Variants in GFPT1 observed in about 807,000 individuals in gnomAD.
GFPT1 encodes the protein glutamine--fructose-6-phosphate transaminase 1, also known as glutamine--fructose-6-phosphate aminotransferase [isomerizing] 1.
GFPT1 carries 40 observed loss-of-function variants against 92.0 expected under a neutral mutation model. The ratio of observed to expected loss-of-function variants is 0.43; its 90% CI spans 0.34 to 0.57. The LOEUF is 0.57. Among genes scored for constraint, GFPT1 ranks in the 20% least tolerant of loss-of-function variants. The pLI, the probability that GFPT1 is intolerant of heterozygous loss-of-function variation, is 0.02. For synonymous variants in GFPT1, 269 were observed against 280.6 expected, an observed-to-expected ratio of 0.96 and a Z score of 0.41; for missense variants, 448 against 869.1, an observed-to-expected ratio of 0.52 and a Z score of 6.09.
intron 15 of GFPT1, among the ~76,000 whole-genome samples, chr2:69,333,613 T>C (rs1670724364): frequency 6.6e-6 from 1 of 152,216 alleles, no homozygotes; most frequent in African/African-American, 2.4e-5. Flanking sequence ...ATTTTTATTT[T>C]TTTAAATCAA....
At chr2:69,329,465 A>C (rs1558728131) in intron 16 of GFPT1, 41 bp from the exon 17 acceptor site, 1 of 1,454,032 alleles carries the variant, frequency 6.9e-7, no homozygotes, top group Admixed American at 1.7e-5. Flanking sequence ...TAAACCAAAC[A>C]AATAAAATAA....
rs1558723125 is a variant in GFPT1, at chr2:69,325,663, A to T, written c.*526T>A. ...ATAAATCCTACCAATAAAATTTTTC[A>T]GTTTTAAGTTTTACAGTTTGATTTA... is the stretch of plus-strand genomic sequence containing the variant. On this transcript the variant is annotated 3_prime_UTR_variant, in exon 20 of 20. Coordinates refer to ENST00000357308, the MANE Select transcript of GFPT1 (RefSeq NM_001244710.2). 6.6e-6 allele frequency: 1 copy of T among 152,520 alleles called. No individual in the cohort carries two copies. The highest frequency in any genetic ancestry group is 1.5e-5 in the Non-Finnish European group (1 of 68,252). 9.4% of individuals were successfully genotyped at this position (152,520 alleles called of 1,614,324 possible). A position where few individuals can be genotyped will look rare whatever the true frequency, so the allele number is the denominator to read the frequency against.
rs775976340 is a variant in GFPT1, at chr2:69,326,100, G to A, written c.*89C>T. 1 of 806,058 alleles carries A rather than the reference G, an allele frequency of 1.2e-6. No individual in the cohort carries two copies. The highest frequency in any genetic ancestry group is 2.1e-6 in the Non-Finnish European group (1 of 472,838). 49.9% of individuals were successfully genotyped at this position (806,058 alleles called of 1,614,324 possible). A position where few individuals can be genotyped will look rare whatever the true frequency, so the allele number is the denominator to read the frequency against. On this transcript the variant is annotated 3_prime_UTR_variant, in exon 20 of 20. Transcript: ENST00000357308. ...AGGATTTACTAAAAAAAGGCTTCAA[G>A]GGGTGATATTTTAAATCAAGGTTTT... is the stretch of plus-strand genomic sequence containing the variant.
intron 18 of GFPT1, among the ~76,000 whole-genome samples, chr2:69,327,857 C>G (rs1025334769): frequency 1.3e-5 from 2 of 151,800 alleles, no homozygotes; most frequent in Non-Finnish European, 2.9e-5. Flanking sequence ...AATCCCAGAA[C>G]TTTGGGGGGT....
At position 69,354,310 on chromosome 2, in the gene GFPT1, T is replaced by C. The variant is rs907650025; in HGVS notation, c.688A>G (p.Arg230Gly). The C allele has an allele frequency of 3.1e-6, 5 of 1,589,842 alleles. No homozygotes were observed. Among genetic ancestry groups the C allele is most frequent in the Non-Finnish European group, 4.3e-6 (5 of 1,173,984 alleles). ...GTGAATTTTGATCCAATCTGAGTCC[T>C]AGCTAAGGATACACAACAGAAAAAA... ...DHIPILYRTA[R>G]TQIGSKFTRW... The change falls in exon 9 of 20, where the codon AGG becomes GGG. Residue 230 changes from arginine (R) to glycine (G), a missense_variant and splice_region_variant. Physicochemically the swap from Arg to Gly is moderately radical, Grantham distance 125. Transcript: ENST00000357308.
At chr2:69,375,610 G>A (rs1407321321) in intron 1 of GFPT1, among the ~76,000 whole-genome samples, 1 of 152,076 alleles carries the variant, frequency 6.6e-6, no homozygotes, top group Non-Finnish European at 1.5e-5. Context: ...AAGACTTACA[G>A]AAATCCCATA....
intron 11 of GFPT1, among the ~76,000 whole-genome samples, chr2:69,347,636 C>G (rs1671116587): frequency 6.6e-6 from 1 of 152,034 alleles, no homozygotes; most frequent in Admixed American, 6.6e-5. Flanking sequence ...CGCCACCACA[C>G]CCAGCTAATT....
rs1180135702 is a variant in GFPT1, at chr2:69,332,078, T to C, written c.1483-2280A>G. 3.9e-5 allele frequency among the ~76,000 whole-genome samples: 6 copies of C among 152,246 alleles called. No homozygotes were observed. In the East Asian group the frequency reaches 1.2e-3, roughly 29 times the overall value. Reference sequence around the variant, plus strand: ...CTGTTCCTTTTTATTTTTTTAACATTTTCCTTTTTAGCCTGTTTGAAATTA... The same window carrying C: ...CTGTTCCTTTTTATTTTTTTAACATCTTCCTTTTTAGCCTGTTTGAAATTA... On this transcript the variant is annotated intron_variant, in intron 15 of 19. Coordinates refer to ENST00000357308, the MANE Select transcript of GFPT1 (RefSeq NM_001244710.2).
At position 69,369,537 on chromosome 2, in the gene GFPT1, G is replaced by A. The variant is rs115637564; in HGVS notation, c.223+464C>T. Among the ~76,000 whole-genome samples the A allele has an allele frequency of 2.9e-3, 444 of 152,318 alleles. 6 individuals are homozygous for A. Among genetic ancestry groups the A allele is most frequent in the African/African-American group, 0.01 (425 of 41,566 alleles). On this transcript the variant is annotated intron_variant, in intron 3 of 19. Transcript: ENST00000357308. ...TCCTTGTGCCAGAGAAGAAAACTGT[G>A]AGGGAAAACATGATACTTACCAGAT...
chr2:69,344,502 T>C (rs192356807), intron 12 of GFPT1, among the ~76,000 whole-genome samples: 1 of 152,208 alleles, frequency 6.6e-6, no homozygotes, highest in African/African-American at 2.4e-5. Flanking sequence ...AATGAATACA[T>C]GGGGAGTAGT....
rs538539998 is a variant in GFPT1, at chr2:69,387,124, G to A, written c.-53C>T. 1.3e-6 allele frequency: 2 copies of A among 1,519,422 alleles called. No individual in the cohort carries two copies. Among genetic ancestry groups the A allele is most frequent in the East Asian group, 5.2e-5 (2 of 38,682 alleles). 94.1% of individuals were successfully genotyped at this position (1,519,422 alleles called of 1,614,324 possible). A position where few individuals can be genotyped will look rare whatever the true frequency, so the allele number is the denominator to read the frequency against. On this transcript the variant is annotated 5_prime_UTR_variant, in exon 1 of 20. Coordinates refer to ENST00000357308, the MANE Select transcript of GFPT1 (RefSeq NM_001244710.2). ...AGGGGCGAGTGGCTGGCGGGATCGG[G>A]GGTGCACACACGAGCTTCGGTGGGC... is the stretch of plus-strand genomic sequence containing the variant.
intron 15 of GFPT1, among the ~76,000 whole-genome samples, chr2:69,336,800 T>A (rs531620391): frequency 9.7e-4 from 147 of 151,962 alleles, no homozygotes; most frequent in Middle Eastern, 3.4e-3. Flanking sequence ...TGTCTCTAAA[T>A]AACAACCAAA....
chr2:69,330,390 A>T (rs879325592), intron 15 of GFPT1, among the ~76,000 whole-genome samples: 2 of 152,200 alleles, frequency 1.3e-5, no homozygotes, highest in African/African-American at 2.4e-5. Flanking sequence ...AGGAAGGAAA[A>T]GATGAGCAAA....
At chr2:69,346,941 ACT>A (rs1468920659) in intron 11 of GFPT1, among the ~76,000 whole-genome samples, 3 of 150,530 alleles carry the variant, frequency 2.0e-5, no homozygotes, top group African/African-American at 7.4e-5. Context: ...ACAGAGTCTC[ACT>A]CTGTCGCCCA....
At chr2:69,371,833 T>C (rs917311958) in intron 2 of GFPT1, among the ~76,000 whole-genome samples, 35 of 149,048 alleles carry the variant, frequency 2.3e-4, no homozygotes, top group Admixed American at 2.0e-3. Flanking sequence ...CAAGACTCCA[T>C]CTCAAAAAAA....
chr2:69,355,978 GCTTTCTT>G (rs1196112137), intron 7 of GFPT1, among the ~76,000 whole-genome samples: 27 of 130,378 alleles, frequency 2.1e-4, no homozygotes, highest in African/African-American at 7.3e-4. Context: ...AAATATATTT[GCTTTCTT>G]TTTTTTTTTT....
chr2:69,377,086 C>T (rs10195277), intron 1 of GFPT1, among the ~76,000 whole-genome samples: 100,444 of 151,358 alleles, frequency 0.66, 34,806 homozygotes, highest in African/African-American at 0.88. Context: ...CAGGTGCCTG[C>T]AATCGCAGCT....
chr2:69,367,340 A>C (rs1671634232), intron 3 of GFPT1, among the ~76,000 whole-genome samples: 2 of 132,618 alleles, frequency 1.5e-5, no homozygotes, highest in African/African-American at 3.1e-5. Flanking sequence ...TATACAACTT[A>C]TTTTTTGTTG....
chr2:69,352,656 A>G (rs1480087478), intron 9 of GFPT1, among the ~76,000 whole-genome samples: 1 of 151,272 alleles, frequency 6.6e-6, no homozygotes, highest in East Asian at 1.9e-4. Flanking sequence ...TTTGCTTATA[A>G]AATGTCCTAA....
Sources: allele counts gnomAD v4.1 joint callset (sites outside exome capture counted in the v4.1 genomes callset), GRCh38; gene constraint gnomAD v4.1.1; transcripts MANE v1.5; gene names NCBI Gene and HGNC (gene_info 2026-07-23, HGNC 2026-07-21).